MGAT4A: variants seen among roughly 807,000 people sequenced by gnomAD.
MGAT4A encodes the protein N-acetylglucosaminyltransferase IVa.
Under a neutral mutation model 74.1 loss-of-function variants are expected in MGAT4A, and 33 were observed. The observed-to-expected ratio is 0.45, with a 90% confidence interval of 0.34 to 0.60. The LOEUF (loss-of-function observed/expected upper bound fraction) is 0.60, where lower values mean the gene tolerates loss of function less well. Among genes scored for constraint, MGAT4A ranks in the 20% least tolerant of loss-of-function variants. The pLI is 0.02. For missense variants in MGAT4A, 479 were observed against 628.3 expected (o/e 0.76, Z 2.54); for synonymous variants, 198 against 210.4 (o/e 0.94, Z 0.51).
rs1701129482 is a variant in MGAT4A at position 98,625,428 on chromosome 2, C to T, written c.*138G>A. On this transcript the variant is annotated 3_prime_UTR_variant, in exon 16 of 16. Coordinates refer to ENST00000393487, the MANE Select transcript of MGAT4A (RefSeq NM_012214.3). ...CAATTATTATGGGAGATTCACTTTC[C>T]AAGTGGAAATGACAATCGTCTTATC... 49 of 1,470,728 alleles carry T rather than the reference C, an allele frequency of 3.3e-5. No homozygotes were observed. The highest frequency in any genetic ancestry group is 4.0e-5 in the Non-Finnish European group (44 of 1,113,482). The allele number at this position is 1,470,728 out of a possible 1,614,324, so 91.1% of individuals were successfully genotyped here.
intron 2 of MGAT4A, among the ~76,000 whole-genome samples, chr2:98,693,439 G>A (rs1702219752): frequency 6.6e-6 from 1 of 152,098 alleles, no homozygotes; most frequent in African/African-American, 2.4e-5. Context: ...ATGTTTGATG[G>A]TTGAGGCAAA....
Position 98,693,840 on chromosome 2 carries a change from G to A in MGAT4A, c.95-15369C>T, listed in dbSNP as rs1702227816. Among the ~76,000 whole-genome samples, 3 of 151,998 alleles carry A rather than the reference G, an allele frequency of 2.0e-5. No individual in the cohort carries two copies. In the South Asian group the frequency reaches 6.2e-4, roughly 32 times the overall value. On this transcript the variant is annotated intron_variant, in intron 2 of 15. Transcript: ENST00000393487. ...GCAACCACTCAAATATCTATACAAA[G>A]GAATACACTCAAAAACACTACAGAT...
At chr2:98,629,674 G>A (rs924162915) in intron 14 of MGAT4A, among the ~76,000 whole-genome samples, 1 of 152,112 alleles carries the variant, frequency 6.6e-6, no homozygotes, top group Non-Finnish European at 1.5e-5. Context: ...CCATCACTAG[G>A]AGCCTGGCCA....
At chr2:98,729,175 A>C (rs1263207241) in intron 1 of MGAT4A, among the ~76,000 whole-genome samples, 3 of 152,144 alleles carry the variant, frequency 2.0e-5, no homozygotes, top group African/African-American at 4.8e-5. Flanking sequence ...ATGAAAAAAA[A>C]AAAATACTGG....
intron 2 of MGAT4A, among the ~76,000 whole-genome samples, chr2:98,721,024 A>C (rs1702662116): frequency 6.6e-6 from 1 of 152,230 alleles, no homozygotes; most frequent in African/African-American, 2.4e-5. Context: ...AAACACAAGA[A>C]AATCTTGAAA....
At position 98,625,406 on chromosome 2, in the gene MGAT4A, T is replaced by C. The variant is rs1015456746; in HGVS notation, c.*160A>G. On this transcript the variant is annotated 3_prime_UTR_variant, in exon 16 of 16. Coordinates refer to ENST00000393487, the MANE Select transcript of MGAT4A (RefSeq NM_012214.3). ...ACAGCTTAGTTTCAAACAAATACAA[T>C]TATTATGGGAGATTCACTTTCCAAG... is the stretch of plus-strand genomic sequence containing the variant. The C allele has an allele frequency of 1.7e-5, 24 of 1,450,442 alleles. No homozygotes were observed. In the African/African-American group the frequency reaches 3.3e-4, roughly 20 times the overall value. The allele number at this position is 1,450,442 out of a possible 1,614,324, so 89.8% of individuals were successfully genotyped here. A position where few individuals can be genotyped will look rare whatever the true frequency, so the allele number is the denominator to read the frequency against.
chr2:98,634,266 A>G (rs1701285096), intron 14 of MGAT4A, among the ~76,000 whole-genome samples: 2 of 152,172 alleles, frequency 1.3e-5, no homozygotes. Context: ...ATACGGGGGG[A>G]TCTGAAGAGC....
chr2:98,697,117 T>C (rs1702285540), intron 2 of MGAT4A, among the ~76,000 whole-genome samples: 1 of 152,140 alleles, frequency 6.6e-6, no homozygotes, highest in South Asian at 2.1e-4. Context: ...ATATAAATAG[T>C]CTAAATACAC....
chr2:98,658,298 T>A, intron 5 of MGAT4A, 34 bp from the exon 6 acceptor site: 1 of 1,251,276 alleles, frequency 8.0e-7, no homozygotes, highest in South Asian at 1.4e-5. Context: ...TATATTCAAG[T>A]TTTTATATTT....
chr2:98,708,162 C>A (rs190678672), intron 2 of MGAT4A, among the ~76,000 whole-genome samples: 177 of 151,452 alleles, frequency 1.2e-3, no homozygotes, highest in Middle Eastern at 3.4e-3. Flanking sequence ...AGAGATGGGT[C>A]TCACTATGTT....
intron 2 of MGAT4A, among the ~76,000 whole-genome samples, chr2:98,715,870 T>A (rs188201808): frequency 6.6e-6 from 1 of 152,350 alleles, no homozygotes; most frequent in African/African-American, 2.4e-5. Context: ...AAACAGGATA[T>A]TGGCTTCCAC....
At chr2:98,688,647 C>T (rs1702158322) in intron 2 of MGAT4A, among the ~76,000 whole-genome samples, 1 of 152,194 alleles carries the variant, frequency 6.6e-6, no homozygotes. Context: ...CAACAACAAG[C>T]CTGGGCTCTC....
Position 98,720,809 on chromosome 2 carries a change from A to G in MGAT4A, c.94+5430T>C, listed in dbSNP as rs188399456. Among the ~76,000 whole-genome samples the G allele has an allele frequency of 4.2e-3, 641 of 152,350 alleles. 9 individuals carry two copies. The highest frequency in any genetic ancestry group is 0.015 in the African/African-American group (625 of 41,582). On this transcript the variant is annotated intron_variant, in intron 2 of 15. Transcript: ENST00000393487. ...ACACAGCCTCAGAGAAAGGTGGAAC[A>G]CCAATAAGCACACCACCACATGTGT... is the stretch of plus-strand genomic sequence containing the variant.
intron 4 of MGAT4A, chr2:98,663,502 A>G (rs1701783151): frequency 2.2e-6 from 3 of 1,344,410 alleles, no homozygotes; most frequent in Non-Finnish European, 2.9e-6. Context: ...ACATATCTTA[A>G]AAACTAATGT....
In MGAT4A at chr2:98,639,921, G is replaced by A; in HGVS notation, c.1209C>T (p.Tyr403=). Residue 403 remains tyrosine, a synonymous_variant, in exon 12 of 16, where the codon TAC becomes TAT. Transcript: ENST00000393487. Reference sequence around the variant, plus strand: ...AAGTTTTCTCCAGCGTATGCCCTTGGTAGACCTTCAAGGAAGTAGATACCT... The same window carrying A: ...AAGTTTTCTCCAGCGTATGCCCTTGATAGACCTTCAAGGAAGTAGATACCT... ...PAEVSTSLKV[Y]QGHTLEKTYM... is the part of the protein sequence containing the mutation. 6.2e-7 allele frequency: 1 copy of A among 1,614,028 alleles called. No individual in the cohort carries two copies. The highest frequency in any genetic ancestry group is 1.1e-5 in the South Asian group (1 of 91,076).
At chr2:98,661,667 G>C (rs1701751818) in intron 5 of MGAT4A, among the ~76,000 whole-genome samples, 1 of 152,046 alleles carries the variant, frequency 6.6e-6, no homozygotes, top group African/African-American at 2.4e-5. Context: ...ATTAATTGGA[G>C]CTTTGTCCTT....
At chr2:98,723,545 C>T (rs145234664) in intron 2 of MGAT4A, among the ~76,000 whole-genome samples, 3 of 152,246 alleles carry the variant, frequency 2.0e-5, no homozygotes, top group Non-Finnish European at 2.9e-5. Context: ...TCTGTTGGTG[C>T]GCTGTTGGGG....
chr2:98,724,582 C>CTAA (rs1323194696), intron 2 of MGAT4A, among the ~76,000 whole-genome samples: 2 of 152,184 alleles, frequency 1.3e-5, no homozygotes, highest in Non-Finnish European at 2.9e-5. Flanking sequence ...ATGTGTGCAT[C>CTAA]TAACACTGCG....
Position 98,630,453 on chromosome 2 carries a change from AAGG to A in MGAT4A, c.1469-4621_1469-4619del, listed in dbSNP as rs374880886. 1.2e-3 allele frequency among the ~76,000 whole-genome samples: 179 copies of A among 152,288 alleles called. 1 individual carries two copies. The highest frequency in any genetic ancestry group is 4.1e-3 in the African/African-American group (170 of 41,556). ...TGGTAACCATAAAATTCAGGTGTTGAAGGAGAAGAGAAGCTATTAGGGTATAGC... is the reference window on the plus strand; with the variant it reads ...TGGTAACCATAAAATTCAGGTGTTGAAGAAGAGAAGCTATTAGGGTATAGC... On this transcript the variant is annotated intron_variant, in intron 14 of 15. Coordinates refer to ENST00000393487, the MANE Select transcript of MGAT4A (RefSeq NM_012214.3).
Sources: allele counts gnomAD v4.1 joint callset (sites outside exome capture counted in the v4.1 genomes callset), GRCh38; gene constraint gnomAD v4.1.1; transcripts MANE v1.5; gene names NCBI Gene and HGNC (gene_info 2026-07-23, HGNC 2026-07-21).